TCF4: variants seen among roughly 807,000 people sequenced by gnomAD.
TCF4 encodes SL3-3 enhancer factor 2.
Under a neutral mutation model 82.1 loss-of-function variants are expected in TCF4, and 3 were observed. The observed-to-expected ratio is 0.04, with a 90% CI of 0.02 to 0.09. TCF4 has a LOEUF of 0.09. Ranked by LOEUF, TCF4 falls within the 10% of genes least tolerant of loss-of-function variation. The pLI is 1.00. For synonymous variants in TCF4, 276 were observed against 309.6 expected (o/e 0.89, Z 1.14); for missense variants, 518 against 852.7 (o/e 0.61, Z 4.89).
At position 55,232,791 on chromosome 18, in the gene TCF4, T is replaced by G. The variant is rs548914749; in HGVS notation, c.1487-120A>C. On this transcript the variant is annotated intron_variant, in intron 16 of 19. Transcript: ENST00000354452. ...AACTGTGATCCTTCTGTCACTTTTT[T>G]TTCCCCCTGCTATCTGTTGAAGTTT... 74 of 1,310,096 alleles carry G rather than the reference T, an allele frequency of 5.6e-5. No homozygotes were observed. In the African/African-American group the frequency reaches 1.0e-3, roughly 18 times the overall value. 81.2% of individuals were successfully genotyped at this position (1,310,096 alleles called of 1,614,324 possible).
intron 2 of TCF4, among the ~76,000 whole-genome samples, chr18:55,618,451 T>C (rs1218289557): frequency 6.6e-6 from 1 of 152,192 alleles, no homozygotes; most frequent in Non-Finnish European, 1.5e-5. Flanking sequence ...TAATGTTTCC[T>C]CTTTAATTTC....
intron 3 of TCF4, chr18:55,510,528 A>G: frequency 7.4e-7 from 1 of 1,352,414 alleles, no homozygotes; most frequent in Non-Finnish European, 9.9e-7. Context: ...GATAGATCAA[A>G]CATTTTAATC....
At chr18:55,313,570 A>G (rs555639633) in intron 8 of TCF4, among the ~76,000 whole-genome samples, 3 of 152,290 alleles carry the variant, frequency 2.0e-5, no homozygotes, top group Non-Finnish European at 4.4e-5. Flanking sequence ...AAAGAAAAGG[A>G]AAGGACAGGG....
chr18:55,258,378 T>C (rs2057345926), intron 13 of TCF4, among the ~76,000 whole-genome samples: 1 of 152,164 alleles, frequency 6.6e-6, no homozygotes, highest in African/African-American at 2.4e-5. Flanking sequence ...TCTAGCCTTG[T>C]TTCTGTGCCT....
chr18:55,463,054 A>G (rs1464506882), intron 4 of TCF4, among the ~76,000 whole-genome samples: 1 of 152,194 alleles, frequency 6.6e-6, no homozygotes, highest in South Asian at 2.1e-4. Flanking sequence ...TTGTGTGAAC[A>G]CTTACAGTAA....
At chr18:55,372,960 T>G (rs1175325350) in intron 6 of TCF4, among the ~76,000 whole-genome samples, 2 of 151,970 alleles carry the variant, frequency 1.3e-5, no homozygotes, top group African/African-American at 4.8e-5. Context: ...ATAAGATGTA[T>G]AATTCCTGCA....
intron 6 of TCF4, among the ~76,000 whole-genome samples, chr18:55,358,069 C>G (rs1381214556): frequency 6.6e-6 from 1 of 152,202 alleles, no homozygotes; most frequent in Non-Finnish European, 1.5e-5. Flanking sequence ...AAGATTCTTT[C>G]TTGAATATCT....
intron 3 of TCF4, among the ~76,000 whole-genome samples, chr18:55,466,453 T>C (rs1368875171): frequency 6.6e-6 from 1 of 152,040 alleles, no homozygotes; most frequent in Non-Finnish European, 1.5e-5. Context: ...ACTACGATTG[T>C]GCCACTGCAC....
intron 5 of TCF4, among the ~76,000 whole-genome samples, chr18:55,426,935 A>C (rs768863159): frequency 6.6e-6 from 1 of 152,140 alleles, no homozygotes; most frequent in Admixed American, 6.5e-5. Context: ...TTCCAGTAAC[A>C]ATGTTCTTTC....
intron 3 of TCF4, among the ~76,000 whole-genome samples, chr18:55,528,246 A>G (rs2097014902): frequency 6.6e-6 from 1 of 152,210 alleles, no homozygotes; most frequent in Admixed American, 6.5e-5. Context: ...GAGGATGGCT[A>G]TGTTTAAGAT....
intron 3 of TCF4, among the ~76,000 whole-genome samples, chr18:55,574,345 GAC>G (rs1379525548): frequency 6.6e-6 from 1 of 151,358 alleles, no homozygotes; most frequent in African/African-American, 2.4e-5. Flanking sequence ...TTATTTTTGA[GAC>G]AGAGTCTTGC....
chr18:55,512,908 A>C (rs1236925894), intron 3 of TCF4, among the ~76,000 whole-genome samples: 5 of 152,180 alleles, frequency 3.3e-5, no homozygotes, highest in Admixed American at 3.3e-4. Flanking sequence ...TAGGCAAAGT[A>C]AGTGCTTAAG....
At chr18:55,574,216 A>G (rs1294093472) in intron 3 of TCF4, among the ~76,000 whole-genome samples, 1 of 152,234 alleles carries the variant, frequency 6.6e-6, no homozygotes, top group Non-Finnish European at 1.5e-5. Flanking sequence ...ACATGTACAC[A>G]TATACAGAGA....
chr18:55,506,009 T>G (rs1239196065), intron 3 of TCF4, among the ~76,000 whole-genome samples: 1 of 152,188 alleles, frequency 6.6e-6, no homozygotes, highest in Non-Finnish European at 1.5e-5. Flanking sequence ...TGACCTGACT[T>G]GTTCACTGTG....
chr18:55,234,926 AAC>A (rs1188500743), intron 15 of TCF4, among the ~76,000 whole-genome samples: 4 of 152,160 alleles, frequency 2.6e-5, no homozygotes, highest in Non-Finnish European at 5.9e-5. Context: ...AGGCAGGTAA[AAC>A]GTCAAATTGC....
chr18:55,549,883 T>C (rs1231533053), intron 3 of TCF4, among the ~76,000 whole-genome samples: 3 of 152,206 alleles, frequency 2.0e-5, no homozygotes, highest in Admixed American at 2.0e-4. Context: ...CATGGCCTTA[T>C]TAGCTTACTC....
chr18:55,258,939 T>C (rs1370186304), intron 13 of TCF4, among the ~76,000 whole-genome samples: 1 of 152,170 alleles, frequency 6.6e-6, no homozygotes, highest in African/African-American at 2.4e-5. Flanking sequence ...TCTCTGGACA[T>C]AGAGACTTCA....
chr18:55,416,719 T>C (rs1391246511), intron 5 of TCF4, among the ~76,000 whole-genome samples: 3 of 152,218 alleles, frequency 2.0e-5, no homozygotes, highest in Non-Finnish European at 2.9e-5. Flanking sequence ...AAAATGACGA[T>C]GTTTCATTAT....
At position 55,544,105 on chromosome 18, in the gene TCF4, C is replaced by G. The variant is rs995415813; in HGVS notation, c.145+41175G>C. On this transcript the variant is annotated intron_variant, in intron 3 of 19. Coordinates refer to ENST00000354452, the MANE Select transcript of TCF4 (RefSeq NM_001083962.2). ...ACTTGTCAAATAGAGGATTGCTTTA[C>G]AGTAATTCTGTTGAATATTACAAGA... is the stretch of plus-strand genomic sequence containing the variant. Among the ~76,000 whole-genome samples the G allele has an allele frequency of 2.0e-5, 3 of 152,266 alleles. No homozygotes were observed. The East Asian group carries it at 5.8e-4, about 29-fold the overall frequency.
Sources: allele counts gnomAD v4.1 joint callset (sites outside exome capture counted in the v4.1 genomes callset), GRCh38; gene constraint gnomAD v4.1.1; transcripts MANE v1.5; gene names NCBI Gene and HGNC (gene_info 2026-07-23, HGNC 2026-07-21).